The following MFRP variants were observed in gnomAD, a reference collection of about 807,000 sequenced individuals.
MFRP encodes the protein membrane frizzled-related protein, also known as C1q and TNF related 5.
In MFRP, 74 loss-of-function variants were observed where a neutral mutation model predicts 65.8. The observed-to-expected ratio is 1.12, with a 90% confidence interval of 0.93 to 1.36. The LOEUF is 1.36. Ranked by LOEUF, MFRP falls within the 40% of genes most tolerant of loss-of-function variation. The pLI is 0.00. For synonymous variants in MFRP, 336 were observed against 288.3 expected, an observed-to-expected ratio of 1.17 and a Z score of -1.68; for missense variants, 838 against 736.0, an observed-to-expected ratio of 1.14 and a Z score of -1.60.
In MFRP at chr11:119,343,072, A is replaced by T. The variant is rs948411; in HGVS notation, c.1125-69T>A. On this transcript the variant is annotated intron_variant, in intron 9 of 14. Coordinates refer to ENST00000619721, the MANE Select transcript of MFRP (RefSeq NM_031433.4). ...CTGAGGGGGCACTGCAGCCTCCCAC[A>T]GGCCTGGCTCTGAGCTGGGAGCCCT... The T allele has an allele frequency of 0.13, 202,519 of 1,541,070 alleles. 14,285 individuals are homozygous for T. The highest frequency in any genetic ancestry group is 0.23 in the African/African-American group (16,736 of 73,418).
Position 119,341,941 on chromosome 11 carries a change from C to G in MFRP, c.1431G>C (p.Leu477=). 6.2e-7 allele frequency: 1 copy of G among 1,613,950 alleles called. No homozygotes were observed. Among genetic ancestry groups the G allele is most frequent in the Non-Finnish European group, 8.5e-7 (1 of 1,180,026 alleles). Residue 477 remains leucine, a synonymous_variant, in exon 12 of 15, where the codon CTG becomes CTC. Coordinates refer to ENST00000619721, the MANE Select transcript of MFRP (RefSeq NM_031433.4). ...EPVQVEMCLG[L]SYNTTAFPNI... ...TAGGGAAGGCTGTGGTGTTGTAGCT[C>G]AGACCGAGGCACATCTCCACCTGGA...
intron 9 of MFRP, among the ~76,000 whole-genome samples, chr11:119,343,360 A>G (rs1950522648): frequency 6.6e-6 from 1 of 152,132 alleles, no homozygotes; most frequent in Admixed American, 6.5e-5. Flanking sequence ...AAAAATTAAA[A>G]AAGTAAATTA....
chr11:119,339,334 A>G lies in MFRP; in HGVS notation c.*1625T>C. On this transcript the variant is annotated 3_prime_UTR_variant, in exon 15 of 15. Coordinates refer to ENST00000619721, the MANE Select transcript of MFRP (RefSeq NM_031433.4). This position sits in a 1 kb window ranked among gnomAD's most constrained non-coding sequence, Gnocchi z 5.4. ...TGAGCTCACTTTGCAGTGGGCACTA[A>G]GCAAAGACTGGGGAGCTGTGCCAGT... 1 of 1,612,394 alleles carries G rather than the reference A, an allele frequency of 6.2e-7. No homozygotes were observed. The highest frequency in any genetic ancestry group is 1.1e-5 in the South Asian group (1 of 90,928).
In MFRP at chr11:119,341,866, G is replaced by C; in HGVS notation, c.1506C>G (p.Ser502Arg). ...ITQEEVVEVL[S>R]GYKSLTSLPC... ...CCTCCACCCAGAAGACCTTGTAACC[G>C]CTGAGGACCTCTACCACCTCCTCCT... Residue 502 changes from serine to arginine, a missense_variant, in exon 12 of 15, where the codon AGC becomes AGG. Ser to Arg is a moderately radical substitution (Grantham distance 110). Coordinates refer to ENST00000619721, the MANE Select transcript of MFRP (RefSeq NM_031433.4). 6.2e-7 allele frequency: 1 copy of C among 1,606,476 alleles called. No individual in the cohort carries two copies. Among genetic ancestry groups the C allele is most frequent in the Non-Finnish European group, 8.5e-7 (1 of 1,174,730 alleles).
At position 119,341,583 on chromosome 11, in the gene MFRP, C is replaced by G; in HGVS notation, c.1705G>C (p.Glu569Gln). The G allele has an allele frequency of 6.2e-7, 1 of 1,612,874 alleles. No homozygotes were observed. Among genetic ancestry groups the G allele is most frequent in the Non-Finnish European group, 8.5e-7 (1 of 1,179,984 alleles). ...GCACAAGCTTCCAGGTCAGCTGCCT[C>G]TGGCAGCCTGTTGCAGTTGAAGGGC... The part of the protein sequence containing the change: ...PWPFNCNRLP[E>Q]AADLEACAQP Residue 569 changes from glutamate to glutamine, a missense_variant, in exon 13 of 15, where the codon GAG becomes CAG. Glu to Gln is a conservative substitution (Grantham distance 29). Coordinates refer to ENST00000619721, the MANE Select transcript of MFRP (RefSeq NM_031433.4).
chr11:119,344,554 G>C, intron 7 of MFRP, 78 bp downstream of exon 7: 5 of 1,610,276 alleles, frequency 3.1e-6, no homozygotes, highest in Non-Finnish European at 4.2e-6. Flanking sequence ...CCCGGTTTGA[G>C]GCTGGACCAG....
In MFRP at chr11:119,344,317, G is replaced by T; in HGVS notation, c.973C>A (p.Leu325Met). The T allele has an allele frequency of 6.2e-7, 1 of 1,613,968 alleles. No homozygotes were observed. The highest frequency in any genetic ancestry group is 8.5e-7 in the Non-Finnish European group (1 of 1,179,908). ...TCTGCATGGAGCACTGTGCTTACCA[G>T]TTGGTGAGGGTACTGCTGCAGGTAG... Reference protein sequence around the residue: ...PSYLQQYPHQLLCTWHISVPA... With the variant: ...PSYLQQYPHQMLCTWHISVPA... Residue 325 changes from leucine (L) to methionine (M), a missense_variant and splice_region_variant, in exon 8 of 15, where the codon CTG becomes ATG. Coordinates refer to ENST00000619721, the MANE Select transcript of MFRP (RefSeq NM_031433.4).
intron 11 of MFRP, 138 bp downstream of exon 11, chr11:119,342,458 G>T (rs905735404): frequency 2.7e-6 from 3 of 1,095,284 alleles, no homozygotes; most frequent in African/African-American, 1.6e-5. Context: ...CTGTGAAGTG[G>T]TCCCAGAGTC....
At chr11:119,344,497 C>G (rs181770987) in intron 7 of MFRP, 106 bp from the exon 8 acceptor site, 1 of 1,574,578 alleles carries the variant, frequency 6.4e-7, no homozygotes, top group East Asian at 2.3e-5. Flanking sequence ...CCATGGGAAA[C>G]AAGTTCTGGG....
At position 119,345,850 on chromosome 11, in the gene MFRP, G is replaced by A. The variant is rs1006226160; in HGVS notation, c.350C>T (p.Pro117Leu). ...AGGLTTTTTT[P>L]TITTSQAAGT... ...AGCTGCCTGAGAGGTGGTGATGGTG[G>A]GGGTGGTGGTGGTCGTGGTAAGGCC... The change falls in exon 4 of 15, where the codon CCC becomes CTC. Residue 117 changes from proline to leucine, a missense_variant. By Grantham distance (98) the Pro-to-Leu change is moderately conservative (BLOSUM62 -3). Transcript: ENST00000619721. The A allele has an allele frequency of 2.5e-6, 4 of 1,613,794 alleles. No individual in the cohort carries two copies. In the African/African-American group the frequency reaches 5.3e-5, roughly 22 times the overall value.
rs1017825378 is a variant in MFRP, at chr11:119,342,801, G to C, written c.1255+72C>G. On this transcript the variant is annotated intron_variant, in intron 10 of 14. Transcript: ENST00000619721. ...CAGTACCCCCAGAGTGTCCTGACCA[G>C]GGTCCAGAGCCCTTGTCTGTCCCCC... 4 of 1,612,968 alleles carry C rather than the reference G, an allele frequency of 2.5e-6. No homozygotes were observed. The African/African-American group carries it at 5.3e-5, about 22-fold the overall frequency.
chr11:119,339,123 G>T lies in MFRP; in HGVS notation c.*1836C>A, dbSNP rs1950469184. 3 of 617,352 alleles carry T rather than the reference G, an allele frequency of 4.9e-6. No homozygotes were observed. The allele number at this position is 617,352 out of a possible 1,614,324, so 38.2% of individuals were successfully genotyped here. A position where few individuals can be genotyped will look rare whatever the true frequency, so the allele number is the denominator to read the frequency against. ...CAGCACACTCCTCTGGTCTTGGGCAGAAATCCAGCCACTGCCCCATGCTGC... is the reference window on the plus strand; with the variant it reads ...CAGCACACTCCTCTGGTCTTGGGCATAAATCCAGCCACTGCCCCATGCTGC... On this transcript the variant is annotated 3_prime_UTR_variant, in exon 15 of 15. Coordinates refer to ENST00000619721, the MANE Select transcript of MFRP (RefSeq NM_031433.4). The surrounding 1 kb of genome is among the most constrained non-coding windows in gnomAD (Gnocchi z 5.4).
chr11:119,345,970 G>A, intron 3 of MFRP, 42 bp from the exon 4 acceptor site: 1 of 1,613,566 alleles, frequency 6.2e-7, no homozygotes, highest in South Asian at 1.1e-5. Flanking sequence ...GAGGAGCTGG[G>A]TCCTGGGAGG....
rs775408537 is a variant in MFRP, at chr11:119,346,146, T to C, written c.171A>G (p.Arg57=). Reference sequence around the variant, plus strand: ...AGAAGCGGCAGTCTGGCCGTAGCCCTCGAGGACGCCGACCTGCGGGTTGGC... The same window carrying C: ...AGAAGCGGCAGTCTGGCCGTAGCCCCCGAGGACGCCGACCTGCGGGTTGGC... The part of the protein sequence containing the change: ...VPAPWHGRRP[R]GLRPDCRFSW... Residue 57 remains arginine (R), a synonymous_variant, in exon 3 of 15, where the codon CGA becomes CGG. Coordinates refer to ENST00000619721, the MANE Select transcript of MFRP (RefSeq NM_031433.4). The C allele has an allele frequency of 8.8e-6, 14 of 1,595,844 alleles. No individual in the cohort carries two copies. The East Asian group carries it at 3.2e-4, about 36-fold the overall frequency.
chr11:119,339,828 C>T lies in MFRP; in HGVS notation c.*1131G>A, dbSNP rs1431756047. 2 of 1,509,398 alleles carry T rather than the reference C, an allele frequency of 1.3e-6. No homozygotes were observed. The highest frequency in any genetic ancestry group is 2.5e-5 in the South Asian group (2 of 79,568). The allele number at this position is 1,509,398 out of a possible 1,614,324, so 93.5% of individuals were successfully genotyped here. ...CCCGCCTCTCCTCGCGGCCCGGGGT[C>T]CCCTCGAGGTCCCGGCAGTCCTGCG... On this transcript the variant is annotated 3_prime_UTR_variant, in exon 15 of 15. Coordinates refer to ENST00000619721, the MANE Select transcript of MFRP (RefSeq NM_031433.4). The surrounding 1 kb of genome is among the most constrained non-coding windows in gnomAD (Gnocchi z 5.4).
Position 119,342,742 on chromosome 11 carries a change from G to A in MFRP, c.1256-15C>T. The A allele has an allele frequency of 1.9e-6, 3 of 1,613,502 alleles. No homozygotes were observed. Among genetic ancestry groups the A allele is most frequent in the Non-Finnish European group, 2.5e-6 (3 of 1,179,950 alleles). Reference sequence around the variant, plus strand: ...CCCACAGGGGTCTGCAGGCACAAGGGGCATGGCAGTGCCCGGGGACATACC... The same window carrying A: ...CCCACAGGGGTCTGCAGGCACAAGGAGCATGGCAGTGCCCGGGGACATACC... On this transcript the variant is annotated splice_polypyrimidine_tract_variant and intron_variant, in intron 10 of 14. Transcript: ENST00000619721.
At position 119,345,795 on chromosome 11, in the gene MFRP, G is replaced by A. The variant is rs780717889; in HGVS notation, c.405C>T (p.Gly135=). The part of the protein sequence containing the change: ...AGTPKGQQES[G]VSPSPQSTCG... ...CACTGGACTGTGGGGAGGGGCTCACGCCTGACTCCTGCTGCCCTTTAGGGG... is the reference window on the plus strand; with the variant it reads ...CACTGGACTGTGGGGAGGGGCTCACACCTGACTCCTGCTGCCCTTTAGGGG... The change falls in exon 4 of 15, where the codon GGC becomes GGT. Residue 135 remains glycine, a synonymous_variant. Transcript: ENST00000619721. The A allele has an allele frequency of 1.1e-5, 18 of 1,613,774 alleles. No homozygotes were observed. The highest frequency in any genetic ancestry group is 1.7e-5 in the Admixed American group (1 of 60,030).
intron 8 of MFRP, 79 bp from the exon 9 acceptor site, chr11:119,344,043 C>G: frequency 1.9e-6 from 3 of 1,578,264 alleles, no homozygotes; most frequent in Non-Finnish European, 2.6e-6. Flanking sequence ...TCTTCTTCCC[C>G]CACTGCTGGC....
rs1950541640 is a variant in MFRP, at chr11:119,344,708, T to C, written c.822A>G (p.Leu274=). 3 of 1,614,006 alleles carry C rather than the reference T, an allele frequency of 1.9e-6. No individual in the cohort carries two copies. The African/African-American group carries it at 4.0e-5, about 22-fold the overall frequency. Residue 274 remains leucine (L), a synonymous_variant, in exon 7 of 15, where the codon CTA becomes CTG. Coordinates refer to ENST00000619721, the MANE Select transcript of MFRP (RefSeq NM_031433.4). ...EFRCDQLICL[L]PDSVCDGFAN... Reference sequence around the variant, plus strand: ...CAAAACCATCACACACTGAGTCAGGTAGCAGGCAGATGAGCTGGTCACAGC... The same window carrying C: ...CAAAACCATCACACACTGAGTCAGGCAGCAGGCAGATGAGCTGGTCACAGC...
Sources: allele counts gnomAD v4.1 joint callset (sites outside exome capture counted in the v4.1 genomes callset), GRCh38; gene constraint gnomAD v4.1.1; non-coding constraint Gnocchi (gnomAD v3.1); transcripts MANE v1.5; gene names NCBI Gene and HGNC (gene_info 2026-07-23, HGNC 2026-07-21).